Variants in DCAKD observed in about 807,000 individuals in gnomAD.
The protein encoded by DCAKD is dephospho-CoA kinase domain-containing protein.
In DCAKD, 15 loss-of-function variants were observed where a neutral mutation model predicts 18.7. That is an observed-to-expected ratio of 0.80 (90% CI 0.54 to 1.24). The LOEUF is 1.24. DCAKD is among the 50% of genes most tolerant of loss of function. The pLI is 0.00. For missense variants in DCAKD, 301 were observed against 322.0 expected (o/e 0.93, Z 0.50); for synonymous variants, 130 against 133.0 (o/e 0.98, Z 0.16).
At chr17:45,046,028 C>T (rs1433706751) in intron 1 of DCAKD, among the ~76,000 whole-genome samples, 5 of 151,778 alleles carry the variant, frequency 3.3e-5, no homozygotes, top group African/African-American at 4.8e-5. Flanking sequence ...GATTTCACCA[C>T]GTTGGCCAGG....
intron 3 of DCAKD, 192 bp downstream of exon 3, chr17:45,033,995 T>G: frequency 1.3e-6 from 2 of 1,592,544 alleles, no homozygotes; most frequent in Non-Finnish European, 1.7e-6. Flanking sequence ...TCAGCCTCCT[T>G]AAGAGCTGAG....
chr17:45,053,568 T>G (rs2053749942), upstream of DCAKD, among the ~76,000 whole-genome samples: 1 of 152,158 alleles, frequency 6.6e-6, no homozygotes, highest in African/African-American at 2.4e-5. Flanking sequence ...ATTACAGGCA[T>G]GTACCACCAC....
chr17:45,045,663 G>C (rs1265536466), intron 1 of DCAKD, among the ~76,000 whole-genome samples: 1 of 151,494 alleles, frequency 6.6e-6, no homozygotes, highest in African/African-American at 2.4e-5. Context: ...ACCCGGGAGG[G>C]GGAGGTTGCA....
intron 1 of DCAKD, among the ~76,000 whole-genome samples, chr17:45,057,865 G>T (rs1429206250): frequency 6.6e-6 from 1 of 151,198 alleles, no homozygotes. Flanking sequence ...ACAAAAATTA[G>T]CTGGGCGTGG....
At chr17:45,042,419 A>C (rs60246838) in intron 1 of DCAKD, among the ~76,000 whole-genome samples, 58,823 of 151,576 alleles carry the variant, frequency 0.39, 12,001 homozygotes, top group African/African-American at 0.45. Context: ...CATTCAACAG[A>C]CCCGCCCCTG....
At chr17:45,045,892 T>C (rs368856567) in intron 1 of DCAKD, among the ~76,000 whole-genome samples, 13,682 of 151,748 alleles carry the variant, frequency 0.09, 717 homozygotes, top group East Asian at 0.15. Context: ...ATGGTGCGGT[T>C]TTGGCTTACT....
intron 1 of DCAKD, among the ~76,000 whole-genome samples, chr17:45,049,612 G>C (rs1484949425): frequency 6.7e-6 from 1 of 148,726 alleles, no homozygotes; most frequent in Non-Finnish European, 1.5e-5. Context: ...CAATTAACCA[G>C]AACTTTTATC....
At chr17:45,026,953 C>T (rs2053068273) in intron 4 of DCAKD, 1 of 314,584 alleles carries the variant, frequency 3.2e-6, no homozygotes, top group Non-Finnish European at 4.6e-6. Flanking sequence ...CTTCCTGGGG[C>T]TCAGAAATGG....
At chr17:45,036,598 A>T (rs780242632) in intron 1 of DCAKD, among the ~76,000 whole-genome samples, 1 of 152,188 alleles carries the variant, frequency 6.6e-6, no homozygotes, top group African/African-American at 2.4e-5. Context: ...CAAAAATGGA[A>T]GTGAGGATAG....
rs113970368 is a variant in DCAKD, at chr17:45,042,552, G to A, written c.-114-7553C>T. On this transcript the variant is annotated intron_variant, in intron 1 of 4. Coordinates refer to ENST00000651974, the MANE Select transcript of DCAKD (RefSeq NM_001288655.2). ...CAGACAGAACTGCTTTCCTAAGGGGGTGTATCTGTTTTGCACCAATGATCA... is the reference window on the plus strand; with the variant it reads ...CAGACAGAACTGCTTTCCTAAGGGGATGTATCTGTTTTGCACCAATGATCA... Among the ~76,000 whole-genome samples, 760 of 152,342 alleles carry A rather than the reference G, an allele frequency of 5.0e-3. 3 individuals are homozygous for A. The highest frequency in any genetic ancestry group is 7.9e-3 in the Non-Finnish European group (539 of 68,030).
chr17:45,057,065 C>T (rs1340487238), intron 1 of DCAKD, among the ~76,000 whole-genome samples: 1 of 152,074 alleles, frequency 6.6e-6, no homozygotes, highest in East Asian at 1.9e-4. Context: ...CTGCGCCTGG[C>T]CCTTTTTTCC....
chr17:45,059,764 A>G (rs2053828103), intron 1 of DCAKD, among the ~76,000 whole-genome samples: 1 of 152,126 alleles, frequency 6.6e-6, no homozygotes, highest in Admixed American at 6.6e-5. Context: ...CAGCTATGTG[A>G]CTGTGCAATT....
At chr17:45,059,068 G>A (rs983836915) in intron 1 of DCAKD, among the ~76,000 whole-genome samples, 2 of 151,956 alleles carry the variant, frequency 1.3e-5, no homozygotes, top group African/African-American at 2.4e-5. Context: ...GTGAAACCCC[G>A]TCTCTACTAA....
chr17:45,030,133 C>A lies in DCAKD; in HGVS notation c.363G>T (p.Lys121Asn), dbSNP rs867161523. The A allele has an allele frequency of 6.2e-7, 1 of 1,614,174 alleles. No homozygotes were observed. Among genetic ancestry groups the A allele is most frequent in the Middle Eastern group, 1.6e-4 (1 of 6,062 alleles). ...TGTGCTTCATGTACTTGAGCAACTTCTTGGTCTCAAACAGCAGGGGGATAT... is the reference window on the plus strand; with the variant it reads ...TGTGCTTCATGTACTTGAGCAACTTATTGGTCTCAAACAGCAGGGGGATAT... ...ILDIPLLFET[K>N]KLLKYMKHTV... The change falls in exon 4 of 5, where the codon AAG (lysine) becomes AAT (asparagine). Residue 121 changes from lysine (K) to asparagine (N), a missense_variant. Physicochemically the swap from Lys to Asn is moderately conservative, Grantham distance 94 (BLOSUM62 0). Coordinates refer to ENST00000651974, the MANE Select transcript of DCAKD (RefSeq NM_001288655.2).
chr17:45,040,412 C>T (rs1413108211), intron 1 of DCAKD, among the ~76,000 whole-genome samples: 1 of 151,508 alleles, frequency 6.6e-6, no homozygotes, highest in Non-Finnish European at 1.5e-5. Flanking sequence ...AAAAAAGCTC[C>T]CCTGGCAAAC....
chr17:45,032,843 A>C (rs1376884374), intron 3 of DCAKD, among the ~76,000 whole-genome samples: 1 of 151,728 alleles, frequency 6.6e-6, no homozygotes, highest in Non-Finnish European at 1.5e-5. Context: ...AGTGACTGAG[A>C]GTGGGGTGAC....
At chr17:45,034,649 A>G (rs2053248576) in intron 2 of DCAKD, 125 bp downstream of exon 2, 1 of 1,101,372 alleles carries the variant, frequency 9.1e-7, no homozygotes, top group Non-Finnish European at 1.3e-6. Flanking sequence ...CAGAGACAGA[A>G]GTCAGACCAG....
rs1239042324 is a variant in DCAKD, at chr17:45,034,861, C to G, written c.25G>C (p.Gly9Arg). MFLVGLTG[G>R]IASGKSSVIQ... ...ACTGAGCTCTTGCCTGAGGCAATGC[C>G]CCCTGTCAGGCCCACCAGAAACATC... Residue 9 changes from glycine to arginine, a missense_variant, in exon 2 of 5, where the codon GGC becomes CGC. Gly to Arg is a moderately radical substitution (Grantham distance 125). Transcript: ENST00000651974. 1.9e-6 allele frequency: 3 copies of G among 1,614,150 alleles called. No individual in the cohort carries two copies. In the South Asian group the frequency reaches 3.3e-5, roughly 18 times the overall value.
chr17:45,050,285 C>A (rs2053664130), intron 1 of DCAKD, among the ~76,000 whole-genome samples: 1 of 151,950 alleles, frequency 6.6e-6, no homozygotes, highest in African/African-American at 2.4e-5. Context: ...CTCGGGTGAT[C>A]CACCCTCCTC....
Sources: gnomAD v4.1 joint callset for allele counts (sites outside exome capture counted in the v4.1 genomes callset) on GRCh38, gnomAD v4.1.1 for gene constraint, MANE v1.5 for transcripts, NCBI Gene and HGNC (gene_info 2026-07-23, HGNC 2026-07-21) for gene names.